Variants in PREP observed in about 807,000 individuals in gnomAD.
The protein encoded by PREP is dJ355L5.1 (prolyl endopeptidase).
A neutral mutation model predicts 87.6 loss-of-function variants in PREP; 29 were observed. The observed-to-expected ratio is 0.33, with a 90% CI of 0.25 to 0.45. The LOEUF is 0.45. Among genes scored for constraint, PREP ranks in the 20% least tolerant of loss-of-function variants. The pLI is 1.00. For synonymous variants in PREP, 337 were observed against 328.6 expected (o/e 1.03, Z -0.28); for missense variants, 695 against 886.5 (o/e 0.78, Z 2.74).
intron 2 of PREP, among the ~76,000 whole-genome samples, chr6:105,389,692 G>A (rs1156622839): frequency 1.3e-5 from 2 of 152,116 alleles, no homozygotes; most frequent in East Asian, 3.9e-4. Context: ...GTGGCCAGAT[G>A]GGGAAAGGCA....
chr6:105,333,725 C>G (rs1289614782), intron 7 of PREP, among the ~76,000 whole-genome samples: 1 of 152,036 alleles, frequency 6.6e-6, no homozygotes, highest in Admixed American at 6.6e-5. Context: ...AATGAAGGAC[C>G]TCTCTTCCCG....
intron 2 of PREP, among the ~76,000 whole-genome samples, chr6:105,393,205 A>T (rs1409405634): frequency 6.6e-6 from 1 of 152,208 alleles, no homozygotes; most frequent in Non-Finnish European, 1.5e-5. Flanking sequence ...TCCAATAAAA[A>T]CCATTCAAGA....
At chr6:105,282,681 A>ATTAAC in intron 12 of PREP, 99 bp from the exon 13 acceptor site, 1 of 1,373,252 alleles carries the variant, frequency 7.3e-7, no homozygotes. Context: ...TCAAATACTG[A>ATTAAC]TTAACTTAAA....
At position 105,275,271 on chromosome 6, in the gene PREP, ACAGGCTT is replaced by A. The variant is rs367944021; in HGVS notation, c.*2866_*2872del. On this transcript the variant is annotated 3_prime_UTR_variant, in exon 15 of 15. Coordinates refer to ENST00000652536, the MANE Select transcript of PREP (RefSeq NM_002726.5). The stretch of plus-strand genomic sequence containing the variant: ...ACTGACAAACCTTGAGAGACTGGTG[ACAGGCTT>A]CCTTAGTTGAAACTTATCCTTTTCA... 2.7e-4 allele frequency among the ~76,000 whole-genome samples: 41 copies of A among 152,356 alleles called. No homozygotes were observed. Among genetic ancestry groups the A allele is most frequent in the African/African-American group, 9.9e-4 (41 of 41,582 alleles).
intron 6 of PREP, 89 bp downstream of exon 6, chr6:105,368,814 T>G: frequency 2.8e-6 from 4 of 1,453,970 alleles, no homozygotes; most frequent in Non-Finnish European, 3.8e-6. Context: ...ACTTCTGCCA[T>G]CCATAAAGGT....
intron 7 of PREP, among the ~76,000 whole-genome samples, chr6:105,345,605 C>G (rs1771775416): frequency 6.6e-6 from 1 of 152,172 alleles, no homozygotes; most frequent in South Asian, 2.1e-4. Context: ...AAGGGCTGGA[C>G]ATGTCACGAC....
At chr6:105,390,822 G>A (rs562806385) in intron 2 of PREP, among the ~76,000 whole-genome samples, 1 of 152,240 alleles carries the variant, frequency 6.6e-6, no homozygotes, top group African/African-American at 2.4e-5. Flanking sequence ...GGTACCACAT[G>A]GGTAAAGAGG....
At chr6:105,325,250 C>T (rs1323321992) in intron 9 of PREP, among the ~76,000 whole-genome samples, 7 of 152,118 alleles carry the variant, frequency 4.6e-5, no homozygotes, top group Admixed American at 6.6e-5. Flanking sequence ...AACGTGCAGA[C>T]CAAGCATGCA....
At chr6:105,318,839 C>A (rs1363964958) in intron 10 of PREP, among the ~76,000 whole-genome samples, 1 of 152,214 alleles carries the variant, frequency 6.6e-6, no homozygotes, top group African/African-American at 2.4e-5. Context: ...GAAGACACTG[C>A]CACTCGTTCA....
intron 10 of PREP, among the ~76,000 whole-genome samples, chr6:105,292,206 AG>A (rs1770311429): frequency 6.6e-6 from 1 of 152,212 alleles, no homozygotes. Flanking sequence ...CCTTTCTAGA[AG>A]GTTTTCAATT....
intron 14 of PREP, chr6:105,280,968 C>T (rs571486203): frequency 1.3e-5 from 2 of 152,210 alleles, no homozygotes; most frequent in South Asian, 4.2e-4. Flanking sequence ...TATAATAATA[C>T]CTTTTGATTG....
At chr6:105,348,348 C>T (rs1771853133) in intron 7 of PREP, among the ~76,000 whole-genome samples, 1 of 152,214 alleles carries the variant, frequency 6.6e-6, no homozygotes, top group Admixed American at 6.5e-5. Flanking sequence ...GCAAGGCCAC[C>T]TGAGCACAAG....
intron 7 of PREP, among the ~76,000 whole-genome samples, chr6:105,341,641 G>A (rs960810739): frequency 1.3e-5 from 2 of 152,136 alleles, no homozygotes; most frequent in Non-Finnish European, 2.9e-5. Flanking sequence ...TAGACCGCTA[G>A]CAAGACTAAT....
At chr6:105,287,462 C>CT (rs1278479274) in intron 11 of PREP, among the ~76,000 whole-genome samples, 2 of 152,130 alleles carry the variant, frequency 1.3e-5, no homozygotes, top group African/African-American at 4.8e-5. Context: ...CAGCTCCTTG[C>CT]TAACAAAAGG....
At chr6:105,341,562 A>G (rs554856488) in intron 7 of PREP, among the ~76,000 whole-genome samples, 123 of 152,304 alleles carry the variant, frequency 8.1e-4, no homozygotes, top group African/African-American at 2.9e-3. Context: ...GGAGATAGAG[A>G]CACAAAAAAC....
At chr6:105,286,861 C>T (rs901738937) in intron 11 of PREP, among the ~76,000 whole-genome samples, 8 of 140 alleles carry the variant, frequency 0.057, no homozygotes, top group East Asian at 0.25. Context: ...AAAATGGCCC[C>T]GGGACTCATC....
At position 105,329,062 on chromosome 6, in the gene PREP, T is replaced by G. The variant is rs935415797; in HGVS notation, c.1016-36A>C. On this transcript the variant is annotated intron_variant, in intron 8 of 14. Coordinates refer to ENST00000652536, the MANE Select transcript of PREP (RefSeq NM_002726.5). ...AAGAAGAGAAAAAACCTAATGCAAT[T>G]TAAAAAATTAATGAAAACACATTTA... 6 of 1,563,104 alleles carry G rather than the reference T, an allele frequency of 3.8e-6. No homozygotes were observed. In the African/African-American group the frequency reaches 8.2e-5, roughly 21 times the overall value.
At chr6:105,297,685 G>A (rs546408789) in intron 10 of PREP, among the ~76,000 whole-genome samples, 2 of 152,344 alleles carry the variant, frequency 1.3e-5, no homozygotes, top group South Asian at 2.1e-4. Flanking sequence ...GCCCACTTGA[G>A]TAATAGGAAA....
chr6:105,342,854 C>A (rs1444325350), intron 7 of PREP, among the ~76,000 whole-genome samples: 2 of 152,210 alleles, frequency 1.3e-5, no homozygotes, highest in Non-Finnish European at 2.9e-5. Context: ...GAACTACAAA[C>A]CACTGCTCAA....
Sources: allele counts gnomAD v4.1 joint callset (sites outside exome capture counted in the v4.1 genomes callset), GRCh38; gene constraint gnomAD v4.1.1; transcripts MANE v1.5; gene names NCBI Gene and HGNC (gene_info 2026-07-23, HGNC 2026-07-21).